The following EXOC6 variants were observed in gnomAD, a reference collection of about 807,000 sequenced individuals.
EXOC6 encodes exocyst complex component 6, also known as SEC15-like 1.
EXOC6 carries 60 observed loss-of-function variants against 112.5 expected under a neutral mutation model. The observed-to-expected ratio is 0.53, with a 90% confidence interval of 0.43 to 0.66. The LOEUF (loss-of-function observed/expected upper bound fraction) is 0.66. Ranked by LOEUF, EXOC6 falls within the 30% of genes least tolerant of loss-of-function variation. The pLI is 0.00. For synonymous variants in EXOC6, 295 were observed against 308.0 expected (o/e 0.96, Z 0.44); for missense variants, 855 against 957.1 (o/e 0.89, Z 1.41).
intron 1 of EXOC6, among the ~76,000 whole-genome samples, chr10:92,868,824 T>G (rs1175552698): frequency 6.7e-6 from 1 of 150,050 alleles, no homozygotes; most frequent in African/African-American, 2.4e-5. Flanking sequence ...TCTTTTTTTT[T>G]TTTTTTTTGA....
At chr10:92,867,455 A>G (rs969787307) in intron 1 of EXOC6, among the ~76,000 whole-genome samples, 1 of 152,098 alleles carries the variant, frequency 6.6e-6, no homozygotes, top group Non-Finnish European at 1.5e-5. Context: ...TTAAGTATAT[A>G]TTGCTGCTTG....
chr10:92,957,552 C>G lies in EXOC6; in HGVS notation c.1773+1838C>G, dbSNP rs1208244817. 2.0e-5 allele frequency among the ~76,000 whole-genome samples: 3 copies of G among 152,160 alleles called. No individual in the cohort carries two copies. In the East Asian group the frequency reaches 5.8e-4, roughly 29 times the overall value. On this transcript the variant is annotated intron_variant, in intron 17 of 21. Transcript: ENST00000260762. ...CTCCTTGGTGTATTTCCTTGGAAATCAAGTTCTGCTCTGTAAATAGCAAAG... is the reference window on the plus strand; with the variant it reads ...CTCCTTGGTGTATTTCCTTGGAAATGAAGTTCTGCTCTGTAAATAGCAAAG...
At chr10:92,987,862 A>C (rs1226574675) in intron 18 of EXOC6, among the ~76,000 whole-genome samples, 1 of 151,872 alleles carries the variant, frequency 6.6e-6, no homozygotes, top group Non-Finnish European at 1.5e-5. Context: ...CACTGCACTC[A>C]CCTCAAATGC....
At chr10:92,926,748 G>C (rs552492824) in intron 8 of EXOC6, among the ~76,000 whole-genome samples, 1 of 152,170 alleles carries the variant, frequency 6.6e-6, no homozygotes, top group Non-Finnish European at 1.5e-5. Flanking sequence ...TGCCCAGGCT[G>C]GTCTCAAACT....
intron 1 of EXOC6, among the ~76,000 whole-genome samples, chr10:92,875,453 A>G (rs1161435338): frequency 6.6e-6 from 1 of 152,178 alleles, no homozygotes; most frequent in African/African-American, 2.4e-5. Context: ...TTGTAAATGT[A>G]TGTCTTTGTG....
At chr10:93,057,918 G>A (rs1846620045) in intron 21 of EXOC6, among the ~76,000 whole-genome samples, 2 of 151,980 alleles carry the variant, frequency 1.3e-5, no homozygotes, top group African/African-American at 4.8e-5. Flanking sequence ...TCTATACAGG[G>A]TATGTATTTT....
upstream of EXOC6, among the ~76,000 whole-genome samples, chr10:92,846,409 G>C (rs557282048): frequency 2.0e-5 from 3 of 152,266 alleles, no homozygotes; most frequent in South Asian, 6.2e-4. Context: ...CCGCAGCCTC[G>C]AACTCCTGGG....
chr10:92,960,761 T>C (rs1286461323), intron 17 of EXOC6, among the ~76,000 whole-genome samples: 2 of 152,198 alleles, frequency 1.3e-5, no homozygotes, highest in Non-Finnish European at 2.9e-5. Context: ...GGGTTCTATT[T>C]AAATGAAATC....
At chr10:92,862,776 AGTTGATGAACATTT>A (rs1396896239) in intron 1 of EXOC6, among the ~76,000 whole-genome samples, 1 of 152,190 alleles carries the variant, frequency 6.6e-6, no homozygotes, top group Non-Finnish European at 1.5e-5. Flanking sequence ...TTCATTCATT[AGTTGATGAACATTT>A]GTTTCTACCT....
chr10:92,948,239 G>A lies in EXOC6; in HGVS notation c.1311-35G>A, dbSNP rs970988347. The A allele has an allele frequency of 1.3e-5, 18 of 1,355,204 alleles. 1 individual carries two copies. In the Admixed American group the frequency reaches 2.4e-4, roughly 18 times the overall value. 83.9% of individuals were successfully genotyped at this position (1,355,204 alleles called of 1,614,324 possible). On this transcript the variant is annotated intron_variant, in intron 13 of 21. Transcript: ENST00000260762. Reference sequence around the variant, plus strand: ...TTTTAGTACTCTAATAATATGCTTTGTAATGATAAGTTTTCAATTTTCCTT... The same window carrying A: ...TTTTAGTACTCTAATAATATGCTTTATAATGATAAGTTTTCAATTTTCCTT...
rs191036683 is a variant in EXOC6, at chr10:92,858,000, G to A, written c.101+9366G>A. Among the ~76,000 whole-genome samples, 163 of 136,076 alleles carry A rather than the reference G, an allele frequency of 1.2e-3. 1 individual carries two copies. Among genetic ancestry groups the A allele is most frequent in the Admixed American group, 3.6e-3 (45 of 12,340 alleles). 89.3% of individuals were successfully genotyped at this position (136,076 alleles called of 152,430 possible). Reference sequence around the variant, plus strand: ...TTTTTGAAAGATAGTTTTACCATATGTAAGATTTTTAGTTGACGGGTTCCC... The same window carrying A: ...TTTTTGAAAGATAGTTTTACCATATATAAGATTTTTAGTTGACGGGTTCCC... On this transcript the variant is annotated intron_variant, in intron 1 of 21. Coordinates refer to ENST00000260762, the MANE Select transcript of EXOC6 (RefSeq NM_019053.6).
chr10:93,013,958 A>C (rs911275018), intron 19 of EXOC6, among the ~76,000 whole-genome samples: 1 of 152,238 alleles, frequency 6.6e-6, no homozygotes, highest in African/African-American at 2.4e-5. Context: ...TATTGTGATT[A>C]GGATTACAGT....
Position 92,867,790 on chromosome 10 carries a change from G to A in EXOC6, c.101+19156G>A, listed in dbSNP as rs117934256. Among the ~76,000 whole-genome samples, 941 of 152,216 alleles carry A rather than the reference G, an allele frequency of 6.2e-3. 5 individuals carry two copies. Among genetic ancestry groups the A allele is most frequent in the Non-Finnish European group, 0.01 (701 of 68,014 alleles). ...GGATATATAAATGGATACACAACTG[G>A]TCAGTATCCACAGGGCAGTAATCAA... On this transcript the variant is annotated intron_variant, in intron 1 of 21. Coordinates refer to ENST00000260762, the MANE Select transcript of EXOC6 (RefSeq NM_019053.6).
At chr10:92,963,692 C>T (rs543198538) in intron 17 of EXOC6, among the ~76,000 whole-genome samples, 2 of 152,122 alleles carry the variant, frequency 1.3e-5, no homozygotes, top group Non-Finnish European at 2.9e-5. Flanking sequence ...TAGGGTCTCA[C>T]CATATTACCC....
At chr10:92,827,351 G>A (rs1846401303) in intron 1 of EXOC6, among the ~76,000 whole-genome samples, 1 of 151,578 alleles carries the variant, frequency 6.6e-6, no homozygotes, top group African/African-American at 2.4e-5. Flanking sequence ...GCATATTCCT[G>A]TGGTTTCAGC....
In EXOC6 at chr10:93,018,881, C is replaced by G. The variant is rs949221423; in HGVS notation, c.2169+4614C>G. ...ATATTAAATTAAAAAAATAAAAGACCCTGACAAATGCTCTTACATACAGGT... is the reference window on the plus strand; with the variant it reads ...ATATTAAATTAAAAAAATAAAAGACGCTGACAAATGCTCTTACATACAGGT... On this transcript the variant is annotated intron_variant, in intron 20 of 21. Transcript: ENST00000260762. 2.0e-5 allele frequency among the ~76,000 whole-genome samples: 3 copies of G among 150,842 alleles called. No homozygotes were observed. In the South Asian group the frequency reaches 6.3e-4, roughly 32 times the overall value.
chr10:92,929,827 A>G (rs1384842536), intron 9 of EXOC6, among the ~76,000 whole-genome samples: 1 of 152,230 alleles, frequency 6.6e-6, no homozygotes, highest in Non-Finnish European at 1.5e-5. Context: ...CTGAAGTGAG[A>G]CATGAGGGAT....
At chr10:92,917,216 C>T (rs896865334) in intron 7 of EXOC6, among the ~76,000 whole-genome samples, 2 of 152,044 alleles carry the variant, frequency 1.3e-5, no homozygotes, top group African/African-American at 2.4e-5. Flanking sequence ...CTGTCCACCT[C>T]GGCCTCCCAA....
intron 17 of EXOC6, among the ~76,000 whole-genome samples, chr10:92,969,875 G>C (rs1421751091): frequency 6.6e-6 from 1 of 151,920 alleles, no homozygotes; most frequent in Non-Finnish European, 1.5e-5. Flanking sequence ...TGTATTTTTG[G>C]TAGAGACAGG....
Sources: gnomAD v4.1 joint callset for allele counts (sites outside exome capture counted in the v4.1 genomes callset) on GRCh38, gnomAD v4.1.1 for gene constraint, MANE v1.5 for transcripts, NCBI Gene and HGNC (gene_info 2026-07-23, HGNC 2026-07-21) for gene names.